The following PRDM16 variants were observed in gnomAD, a reference collection of about 807,000 sequenced individuals.
PRDM16 encodes histone-lysine N-methyltransferase PRDM16.
A neutral mutation model predicts 110.6 loss-of-function variants in PRDM16; 23 were observed. The ratio of observed to expected loss-of-function variants is 0.21; its 90% confidence interval spans 0.15 to 0.29. PRDM16 has a LOEUF of 0.29. Ranked by LOEUF, PRDM16 falls within the 10% of genes least tolerant of loss-of-function variation. PRDM16 has a pLI of 1.00. For missense variants in PRDM16, 1,615 were observed against 1,794.3 expected (o/e 0.90, Z 1.81); for synonymous variants, 799 against 781.8 (o/e 1.02, Z -0.37).
At chr1:3,380,927 G>A (rs1643091432) in intron 3 of PRDM16, among the ~76,000 whole-genome samples, 3 of 152,186 alleles carry the variant, frequency 2.0e-5, no homozygotes, top group Non-Finnish European at 4.4e-5. Flanking sequence ...CAGTGCACAG[G>A]TGGGTCCCTA....
chr1:3,223,622 C>T lies in PRDM16; in HGVS notation c.388-20465C>T, dbSNP rs1332666848. On this transcript the variant is annotated intron_variant, in intron 2 of 16. Coordinates refer to ENST00000270722, the MANE Select transcript of PRDM16 (RefSeq NM_022114.4). ...TAAACTCATCCAAAGCCTGCTTTAC[C>T]TCTCAGGGCTGCAGGGGAATGCACC... Among the ~76,000 whole-genome samples, 3 of 152,310 alleles carry T rather than the reference C, an allele frequency of 2.0e-5. No individual in the cohort carries two copies. In the East Asian group the frequency reaches 5.8e-4, roughly 29 times the overall value.
intron 2 of PRDM16, among the ~76,000 whole-genome samples, chr1:3,205,118 T>C (rs538508974): frequency 6.6e-6 from 1 of 151,364 alleles, no homozygotes; most frequent in East Asian, 2.0e-4. Context: ...TCACTTTTGT[T>C]TGGTGGGGGC....
chr1:3,171,253 G>A (rs1421567067), intron 1 of PRDM16, among the ~76,000 whole-genome samples: 1 of 152,254 alleles, frequency 6.6e-6, no homozygotes, highest in Non-Finnish European at 1.5e-5. Flanking sequence ...AAATAGTTTG[G>A]TGGCGGTCGG....
chr1:3,120,781 G>A (rs1172465629), intron 1 of PRDM16, among the ~76,000 whole-genome samples: 2 of 152,214 alleles, frequency 1.3e-5, no homozygotes, highest in South Asian at 2.1e-4. Context: ...CTGGGGACCC[G>A]GATGGCAGGG....
chr1:3,115,505 G>A (rs1217400280), intron 1 of PRDM16, among the ~76,000 whole-genome samples: 1 of 152,242 alleles, frequency 6.6e-6, no homozygotes, highest in Admixed American at 6.5e-5. Context: ...CCATCAGGCA[G>A]TGGAGCGCCA....
At chr1:3,414,113 G>A (rs2493290) in intron 9 of PRDM16, among the ~76,000 whole-genome samples, 22,599 of 152,264 alleles carry the variant, frequency 0.15, 1,819 homozygotes, top group Middle Eastern at 0.25. Flanking sequence ...GCTGTGAGCA[G>A]GTCCAGGGAC....
intron 1 of PRDM16, among the ~76,000 whole-genome samples, chr1:3,113,349 C>G (rs556417341): frequency 6.6e-6 from 1 of 152,156 alleles, no homozygotes; most frequent in Non-Finnish European, 1.5e-5. Flanking sequence ...CCCTGGAACA[C>G]AGTGGCTCCT....
intron 1 of PRDM16, among the ~76,000 whole-genome samples, chr1:3,082,633 G>C (rs571044343): frequency 6.6e-6 from 1 of 152,340 alleles, no homozygotes; most frequent in South Asian, 2.1e-4. Flanking sequence ...GGACAGAGCC[G>C]GGGTTGGGGG....
intron 8 of PRDM16, among the ~76,000 whole-genome samples, chr1:3,407,408 G>T (rs936777061): frequency 6.6e-6 from 1 of 152,312 alleles, no homozygotes; most frequent in South Asian, 2.1e-4. Flanking sequence ...GCTGACCACC[G>T]ATCTCCCAGG....
At chr1:3,234,375 C>T (rs1418583699) in intron 2 of PRDM16, among the ~76,000 whole-genome samples, 3 of 152,230 alleles carry the variant, frequency 2.0e-5, no homozygotes, top group Non-Finnish European at 4.4e-5. Flanking sequence ...TGTCCCCGCC[C>T]CAGCAGCTCA....
intron 1 of PRDM16, among the ~76,000 whole-genome samples, chr1:3,166,600 G>A (rs902284655): frequency 7.2e-5 from 11 of 152,256 alleles, no homozygotes; most frequent in South Asian, 4.2e-4. Flanking sequence ...CCCTCGCATC[G>A]CCAGTAACCG....
chr1:3,287,176 C>A (rs1003304344), intron 3 of PRDM16, among the ~76,000 whole-genome samples: 5 of 152,224 alleles, frequency 3.3e-5, no homozygotes, highest in African/African-American at 9.6e-5. Flanking sequence ...GATGTTGAAA[C>A]CGTGGTGCCT....
intron 3 of PRDM16, among the ~76,000 whole-genome samples, chr1:3,287,503 C>G (rs111485971): frequency 2.9e-4 from 22 of 76,586 alleles, no homozygotes; most frequent in African/African-American, 1.0e-3. Flanking sequence ...GGGGCTGGAG[C>G]CGCCCCGCCA....
chr1:3,333,407 CAG>C (rs971000249), intron 3 of PRDM16, among the ~76,000 whole-genome samples: 2 of 152,166 alleles, frequency 1.3e-5, no homozygotes, highest in African/African-American at 4.8e-5. Context: ...TGCAGGATCT[CAG>C]AATCTTGGGG....
chr1:3,205,164 G>A (rs1246868211), intron 2 of PRDM16, among the ~76,000 whole-genome samples: 7 of 151,488 alleles, frequency 4.6e-5, no homozygotes, highest in East Asian at 2.0e-4. Context: ...ACCTAGAGCC[G>A]GGGGGCCAGG....
At chr1:3,362,087 G>A (rs1220058699) in intron 3 of PRDM16, among the ~76,000 whole-genome samples, 2 of 152,194 alleles carry the variant, frequency 1.3e-5, no homozygotes, top group African/African-American at 2.4e-5. Context: ...CATCTGTCTG[G>A]AAGGTGAAGG....
At chr1:3,272,852 G>A (rs564038673) in intron 3 of PRDM16, among the ~76,000 whole-genome samples, 5 of 152,294 alleles carry the variant, frequency 3.3e-5, no homozygotes, top group East Asian at 1.9e-4. Context: ...TGCCTGTGCC[G>A]ATGAAGGGGA....
At chr1:3,194,873 G>A (rs1389287085) in intron 2 of PRDM16, among the ~76,000 whole-genome samples, 3 of 152,194 alleles carry the variant, frequency 2.0e-5, no homozygotes, top group African/African-American at 7.2e-5. Context: ...CACCCCCACG[G>A]TTGAGTGGGC....
At chr1:3,267,012 T>C (rs1383938781) in intron 3 of PRDM16, among the ~76,000 whole-genome samples, 6 of 152,208 alleles carry the variant, frequency 3.9e-5, no homozygotes, top group South Asian at 2.1e-4. Flanking sequence ...TTTCTTTCTT[T>C]TCTTAAACCA....
Sources: gnomAD v4.1 joint callset for allele counts (sites outside exome capture counted in the v4.1 genomes callset) on GRCh38, gnomAD v4.1.1 for gene constraint, MANE v1.5 for transcripts, NCBI Gene and HGNC (gene_info 2026-07-23, HGNC 2026-07-21) for gene names.